The following SPOCK3 variants were observed in gnomAD, a reference collection of about 807,000 sequenced individuals.
SPOCK3 encodes the protein SPARC (osteonectin), cwcv and kazal like domains proteoglycan 3.
SPOCK3 carries 30 observed loss-of-function variants against 56.6 expected under a neutral mutation model. The ratio of observed to expected loss-of-function variants is 0.53; its 90% CI spans 0.40 to 0.72. The LOEUF (loss-of-function observed/expected upper bound fraction) is 0.72. Among genes scored for constraint, SPOCK3 ranks in the 30% least tolerant of loss-of-function variants. The pLI is 0.00. For synonymous variants in SPOCK3, 196 were observed against 183.3 expected (o/e 1.07, Z -0.56); for missense variants, 527 against 530.0 (o/e 0.99, Z 0.06).
At chr4:166,955,644 TAATTATAATATA>T (rs1388117250) in intron 4 of SPOCK3, among the ~76,000 whole-genome samples, 4 of 146,672 alleles carry the variant, frequency 2.7e-5, no homozygotes, top group Non-Finnish European at 4.5e-5. Flanking sequence ...ATATTAAATT[TAATTATAATATA>T]AATTATAATA....
chr4:167,001,701 C>T (rs1025361810), intron 3 of SPOCK3, among the ~76,000 whole-genome samples: 1 of 152,078 alleles, frequency 6.6e-6, no homozygotes, highest in African/African-American at 2.4e-5. Context: ...AGATTTGGTA[C>T]ATGCCAAAAG....
chr4:167,090,480 C>A (rs1217667330), intron 2 of SPOCK3, among the ~76,000 whole-genome samples: 1 of 151,790 alleles, frequency 6.6e-6, no homozygotes, highest in East Asian at 1.9e-4. Context: ...TTTTTAATTT[C>A]TGAGGCAACA....
chr4:167,099,373 A>T (rs530783844), intron 2 of SPOCK3, among the ~76,000 whole-genome samples: 1 of 152,124 alleles, frequency 6.6e-6, no homozygotes, highest in East Asian at 1.9e-4. Flanking sequence ...GGCACAAAAT[A>T]TGAATACACA....
chr4:166,753,778 G>A (rs537974949), intron 8 of SPOCK3, among the ~76,000 whole-genome samples: 1 of 151,922 alleles, frequency 6.6e-6, no homozygotes, highest in South Asian at 2.1e-4. Flanking sequence ...TGTTTCTTTA[G>A]TTTCTCAAAA....
chr4:166,982,330 A>T (rs1435695464), intron 4 of SPOCK3, among the ~76,000 whole-genome samples: 2 of 152,210 alleles, frequency 1.3e-5, no homozygotes, highest in Non-Finnish European at 2.9e-5. Context: ...TATCTCTTTT[A>T]TCCATCATTT....
chr4:166,809,577 C>G (rs4143464), intron 6 of SPOCK3, among the ~76,000 whole-genome samples: 52,806 of 151,860 alleles, frequency 0.35, 10,593 homozygotes, highest in East Asian at 0.73. Context: ...TTGAGTCAGA[C>G]AGTCAATGTT....
At chr4:166,806,984 A>G (rs915701161) in intron 6 of SPOCK3, among the ~76,000 whole-genome samples, 3 of 151,884 alleles carry the variant, frequency 2.0e-5, no homozygotes, top group African/African-American at 7.2e-5. Context: ...AATTATTATA[A>G]TATACTCTAA....
At chr4:166,903,502 A>G (rs938701776) in intron 5 of SPOCK3, among the ~76,000 whole-genome samples, 3 of 152,126 alleles carry the variant, frequency 2.0e-5, no homozygotes. Context: ...CCTGATGACA[A>G]ATATTTCCCG....
chr4:166,779,985 C>T (rs1739983281), intron 7 of SPOCK3, among the ~76,000 whole-genome samples: 1 of 152,050 alleles, frequency 6.6e-6, no homozygotes, highest in South Asian at 2.1e-4. Flanking sequence ...AAACTTTCAA[C>T]CCAATAATCT....
At chr4:167,068,615 G>C (rs1033103334) in intron 2 of SPOCK3, among the ~76,000 whole-genome samples, 1 of 151,756 alleles carries the variant, frequency 6.6e-6, no homozygotes, top group Non-Finnish European at 1.5e-5. Flanking sequence ...TCATTCCATT[G>C]TGACCCCTGA....
Position 166,756,046 on chromosome 4 carries a change from G to A in SPOCK3, c.710-1317C>T, listed in dbSNP as rs1407191534. On this transcript the variant is annotated intron_variant, in intron 7 of 10. Coordinates refer to ENST00000357545, the MANE Select transcript of SPOCK3 (RefSeq NM_001040159.2). Reference sequence around the variant, plus strand: ...TGTGTGTGCGCACCGTGCGCGAGCCGAAGCAGGGCGAGGCATTGCCTCACC... The same window carrying A: ...TGTGTGTGCGCACCGTGCGCGAGCCAAAGCAGGGCGAGGCATTGCCTCACC... 1.5e-3 allele frequency among the ~76,000 whole-genome samples: 51 copies of A among 34,324 alleles called. 17 individuals are homozygous for A. Among genetic ancestry groups the A allele is most frequent in the African/African-American group, 4.6e-3 (39 of 8,560 alleles). The allele number at this position is 34,324 out of a possible 152,430, so 22.5% of individuals were successfully genotyped here.
At chr4:166,817,426 G>A (rs1744486592) in intron 6 of SPOCK3, among the ~76,000 whole-genome samples, 1 of 152,080 alleles carries the variant, frequency 6.6e-6, no homozygotes. Context: ...AGGGTAGACA[G>A]TGCCTTTGCT....
intron 2 of SPOCK3, among the ~76,000 whole-genome samples, chr4:167,145,609 GA>G (rs1439634250): frequency 6.6e-6 from 1 of 152,032 alleles, no homozygotes; most frequent in Non-Finnish European, 1.5e-5. Context: ...GAAGCCAACT[GA>G]AGAGGGTATT....
chr4:166,895,434 G>A (rs1180485696), intron 5 of SPOCK3, among the ~76,000 whole-genome samples: 1 of 94,310 alleles, frequency 1.1e-5, no homozygotes, highest in African/African-American at 3.5e-5. Context: ...AGCAAGAAGG[G>A]ATGCATTGTA....
intron 6 of SPOCK3, 72 bp downstream of exon 6, chr4:166,889,058 A>G: frequency 1.1e-6 from 1 of 897,288 alleles, no homozygotes; most frequent in East Asian, 2.5e-5. Flanking sequence ...GTATTTAATG[A>G]CAACATCTAT....
intron 3 of SPOCK3, among the ~76,000 whole-genome samples, chr4:167,025,650 T>C (rs1751629774): frequency 6.6e-6 from 1 of 151,968 alleles, no homozygotes; most frequent in Admixed American, 6.6e-5. Context: ...CAAGAGTGTG[T>C]TATCCCAAAC....
At chr4:167,056,101 C>A (rs1754814292) in intron 3 of SPOCK3, among the ~76,000 whole-genome samples, 1 of 152,158 alleles carries the variant, frequency 6.6e-6, no homozygotes, top group African/African-American at 2.4e-5. Context: ...TCCTCTGAGA[C>A]AAAACTTCCA....
chr4:167,024,112 A>T (rs1340204064), intron 3 of SPOCK3, among the ~76,000 whole-genome samples: 2 of 151,914 alleles, frequency 1.3e-5, no homozygotes, highest in Non-Finnish European at 2.9e-5. Flanking sequence ...TGTCAGTCCT[A>T]GGAGTGGTGA....
At chr4:167,024,851 T>TA (rs933114308) in intron 3 of SPOCK3, among the ~76,000 whole-genome samples, 20 of 151,886 alleles carry the variant, frequency 1.3e-4, no homozygotes, top group African/African-American at 4.3e-4. Context: ...TATGGAAAAA[T>TA]AAAAAAAAAT....
Sources: allele counts gnomAD v4.1 joint callset (sites outside exome capture counted in the v4.1 genomes callset), GRCh38; gene constraint gnomAD v4.1.1; transcripts MANE v1.5; gene names NCBI Gene and HGNC (gene_info 2026-07-23, HGNC 2026-07-21).